The following DNAH7 variants were observed in gnomAD, a reference collection of about 807,000 sequenced individuals.
DNAH7 encodes axonemal beta dynein heavy chain 7.
Under a neutral mutation model 444.6 loss-of-function variants are expected in DNAH7, and 397 were observed. The observed-to-expected ratio is 0.89, with a 90% CI of 0.82 to 0.97. The LOEUF is 0.97. Ranked by LOEUF, DNAH7 falls within the 50% of genes least tolerant of loss-of-function variation. DNAH7 has a pLI of 0.00. For synonymous variants in DNAH7, 1,636 were observed against 1,624.4 expected (o/e 1.01, Z -0.17); for missense variants, 4,902 against 4,800.8 (o/e 1.02, Z -0.62).
intron 15 of DNAH7, among the ~76,000 whole-genome samples, chr2:195,982,456 A>G (rs1378633736): frequency 6.6e-6 from 1 of 152,192 alleles, no homozygotes; most frequent in East Asian, 1.9e-4. Context: ...AAGTTACCAT[A>G]TGATCCAGCA....
chr2:195,969,393 T>C (rs1185282234), intron 17 of DNAH7, among the ~76,000 whole-genome samples: 1 of 152,254 alleles, frequency 6.6e-6, no homozygotes, highest in East Asian at 1.9e-4. Context: ...CTCCTTTTCA[T>C]ATAAAATACA....
chr2:195,973,540 C>T (rs1034966057), intron 15 of DNAH7, among the ~76,000 whole-genome samples: 17 of 152,198 alleles, frequency 1.1e-4, no homozygotes, highest in African/African-American at 1.7e-4. Context: ...GGCACAATCT[C>T]GGCTGACTGC....
At chr2:195,927,069 T>G (rs1019832423) in intron 21 of DNAH7, among the ~76,000 whole-genome samples, 1 of 152,130 alleles carries the variant, frequency 6.6e-6, no homozygotes, top group African/African-American at 2.4e-5. Context: ...TCCCTCTCAA[T>G]CCTGTAGTTT....
chr2:195,806,683 G>T, intron 54 of DNAH7, 57 bp downstream of exon 54: 1 of 1,458,352 alleles, frequency 6.9e-7, no homozygotes, highest in Non-Finnish European at 9.5e-7. Context: ...CATTTGGATG[G>T]ACTGAGCAGG....
intron 58 of DNAH7, among the ~76,000 whole-genome samples, chr2:195,778,968 C>T (rs892357592): frequency 1.3e-4 from 19 of 151,630 alleles, no homozygotes; most frequent in African/African-American, 4.1e-4. Context: ...CTCAGCCTCC[C>T]GAGTAGCTGG....
chr2:196,000,768 T>C lies in DNAH7; in HGVS notation c.1289A>G (p.Tyr430Cys). Residue 430 changes from tyrosine to cysteine, a missense_variant, in exon 12 of 65, where the codon TAT becomes TGT. Tyr to Cys is a radical substitution (Grantham distance 194, BLOSUM62 -2). Coordinates refer to ENST00000312428, the MANE Select transcript of DNAH7 (RefSeq NM_018897.3). ...SDYIDIFLNV[Y>C]DVMIKAVSFV... ...ACTGACAGCTTTAATCATGACGTCA[T>C]AAACATTTAGAAAGATATCTATATA... The C allele has an allele frequency of 6.9e-6, 11 of 1,599,566 alleles. No homozygotes were observed. Among genetic ancestry groups the C allele is most frequent in the Non-Finnish European group, 8.5e-6 (10 of 1,172,440 alleles).
intron 21 of DNAH7, among the ~76,000 whole-genome samples, chr2:195,929,363 G>GA (rs1688543013): frequency 6.6e-6 from 1 of 152,036 alleles, no homozygotes; most frequent in African/African-American, 2.4e-5. Flanking sequence ...TCACAGAACT[G>GA]GAAAAAACCA....
chr2:195,904,434 G>C (rs1346514762), intron 27 of DNAH7: 2 of 152,404 alleles, frequency 1.3e-5, no homozygotes, highest in African/African-American at 4.8e-5. Flanking sequence ...CAGTGTAACA[G>C]ACAGAGGCAG....
intron 5 of DNAH7, among the ~76,000 whole-genome samples, chr2:196,039,933 C>T (rs1696639827): frequency 6.6e-6 from 1 of 151,258 alleles, no homozygotes; most frequent in Non-Finnish European, 1.5e-5. Context: ...ATTCAAAAAC[C>T]CAGAAAAAAT....
In DNAH7 at chr2:195,853,368, C is replaced by T. The variant is rs1699502224; in HGVS notation, c.8756G>A (p.Gly2919Glu). 1 of 1,613,750 alleles carries T rather than the reference C, an allele frequency of 6.2e-7. No individual in the cohort carries two copies. The highest frequency in any genetic ancestry group is 1.3e-5 in the African/African-American group (1 of 74,864). ...LISSGVVAYL[G>E]AFTSTYRQNQ... Reference sequence around the variant, plus strand: ...CTGTCTATAGGTGGATGTGAAGGCTCCGAGGTAAGCAACCACTCCGGAGGA... The same window carrying T: ...CTGTCTATAGGTGGATGTGAAGGCTTCGAGGTAAGCAACCACTCCGGAGGA... The change falls in exon 46 of 65, where the codon GGA becomes GAA. Residue 2919 changes from glycine to glutamate, a missense_variant. By Grantham distance (98) the Gly-to-Glu change is moderately conservative. Transcript: ENST00000312428.
At chr2:195,946,482 G>A (rs993871218) in intron 19 of DNAH7, among the ~76,000 whole-genome samples, 16 of 152,126 alleles carry the variant, frequency 1.1e-4, no homozygotes, top group South Asian at 6.2e-4. Context: ...TGTCTACCCC[G>A]GATTAATCTG....
At chr2:195,776,295 T>A (rs899200889) in intron 59 of DNAH7, among the ~76,000 whole-genome samples, 1 of 151,694 alleles carries the variant, frequency 6.6e-6, no homozygotes, top group Non-Finnish European at 1.5e-5. Flanking sequence ...AATACAAAAT[T>A]AGTCGGGTGT....
At chr2:195,820,149 T>C (rs561075392) in intron 49 of DNAH7, among the ~76,000 whole-genome samples, 3 of 152,282 alleles carry the variant, frequency 2.0e-5, no homozygotes, top group Non-Finnish European at 2.9e-5. Flanking sequence ...CAGAATTCAA[T>C]GTGTGCAGTC....
chr2:195,880,862 G>A (rs999185689), intron 36 of DNAH7, among the ~76,000 whole-genome samples: 17 of 152,178 alleles, frequency 1.1e-4, no homozygotes, highest in South Asian at 8.3e-4. Flanking sequence ...TGCCTGGGCT[G>A]AAATTGATGA....
chr2:195,900,547 G>T (rs1686640300), intron 27 of DNAH7, 53 bp from the exon 28 acceptor site: 3 of 1,537,402 alleles, frequency 2.0e-6, no homozygotes, highest in Non-Finnish European at 2.7e-6. Context: ...AATAAGCTAG[G>T]CATGGAAAGA....
Position 195,926,553 on chromosome 2 carries a change from G to A in DNAH7, c.3485C>T (p.Ala1162Val). 2 of 1,593,546 alleles carry A rather than the reference G, an allele frequency of 1.3e-6. No homozygotes were observed. The highest frequency in any genetic ancestry group is 8.5e-7 in the Non-Finnish European group (1 of 1,172,108). ...INSIHKVTGD[A>V]TFAYTKYERI... is the part of the protein sequence containing the mutation. ...TTCATATTTTGTATAGGCAAAAGTTGCATCTCCAGTTACCTAATCAAAAAA... is the reference window on the plus strand; with the variant it reads ...TTCATATTTTGTATAGGCAAAAGTTACATCTCCAGTTACCTAATCAAAAAA... Residue 1162 changes from alanine (A) to valine (V), a missense_variant, in exon 22 of 65, where the codon GCA (alanine) becomes GTA (valine). Ala to Val is a moderately conservative substitution (Grantham distance 64, BLOSUM62 0). Coordinates refer to ENST00000312428, the MANE Select transcript of DNAH7 (RefSeq NM_018897.3).
At chr2:195,754,238 T>A in intron 63 of DNAH7, 99 bp downstream of exon 63, 1 of 1,264,284 alleles carries the variant, frequency 7.9e-7, no homozygotes, top group Non-Finnish European at 1.1e-6. Flanking sequence ...ATTACATTCA[T>A]GTTTATTACT....
chr2:195,957,226 C>A (rs750396952), intron 19 of DNAH7, 35 bp downstream of exon 19: 3 of 1,427,260 alleles, frequency 2.1e-6, no homozygotes, highest in Non-Finnish European at 2.8e-6. Context: ...TCACTTCAAC[C>A]AAATAATGAC....
At chr2:195,782,016 C>CACACAG (rs1491465628) in intron 58 of DNAH7, among the ~76,000 whole-genome samples, 45 of 141,262 alleles carry the variant, frequency 3.2e-4, no homozygotes, top group Non-Finnish European at 5.4e-4. Flanking sequence ...CACACACACA[C>CACACAG]AGACACACCC....
Sources: gnomAD v4.1 joint callset for allele counts (sites outside exome capture counted in the v4.1 genomes callset) on GRCh38, gnomAD v4.1.1 for gene constraint, MANE v1.5 for transcripts, NCBI Gene and HGNC (gene_info 2026-07-23, HGNC 2026-07-21) for gene names.